The following GGT5 variants were observed in gnomAD, a reference collection of about 807,000 sequenced individuals.
GGT5 encodes gamma-glutamyltransferase 5, also known as glutathione hydrolase 5 proenzyme.
Under a neutral mutation model 58.1 loss-of-function variants are expected in GGT5, and 50 were observed. The ratio of observed to expected loss-of-function variants is 0.86; its 90% confidence interval spans 0.69 to 1.09. GGT5 has a LOEUF of 1.09. Among genes scored for constraint, GGT5 ranks in the 50% least tolerant of loss-of-function variants. GGT5 has a pLI of 0.00. For synonymous variants in GGT5, 370 were observed against 346.1 expected (o/e 1.07, Z -0.77); for missense variants, 800 against 789.4 (o/e 1.01, Z -0.16).
intron 6 of GGT5, among the ~76,000 whole-genome samples, chr22:24,228,081 A>AAC (rs1569359023): frequency 4.1e-5 from 6 of 147,068 alleles, no homozygotes; most frequent in African/African-American, 1.5e-4. Flanking sequence ...ACAAAAAAAA[A>AAC]AAAACTCTGA....
intron 6 of GGT5, among the ~76,000 whole-genome samples, chr22:24,228,640 CAG>C (rs2047848301): frequency 6.6e-6 from 1 of 151,872 alleles, no homozygotes; most frequent in Non-Finnish European, 1.5e-5. Context: ...TTAGTAGAGA[CAG>C]GGTTTCACTG....
chr22:24,242,683 T>G lies in GGT5; in HGVS notation c.173+1870A>C, dbSNP rs576358186. 2.5e-3 allele frequency: 385 copies of G among 152,076 alleles called. 1 individual carries two copies. The highest frequency in any genetic ancestry group is 3.8e-3 in the Non-Finnish European group (261 of 68,062). 9.4% of individuals were successfully genotyped at this position (152,076 alleles called of 1,614,324 possible). A position where few individuals can be genotyped will look rare whatever the true frequency, so the allele number is the denominator to read the frequency against. On this transcript the variant is annotated intron_variant, in intron 1 of 11. Coordinates refer to ENST00000327365, the MANE Select transcript of GGT5 (RefSeq NM_004121.5). Reference sequence around the variant, plus strand: ...AGCACAGAGGGGAGAGATGATGGAGTCAGGAGCATGGGCTTCTGGTGGCCC... The same window carrying G: ...AGCACAGAGGGGAGAGATGATGGAGGCAGGAGCATGGGCTTCTGGTGGCCC...
rs150800518 is a variant in GGT5, at chr22:24,234,126, G to A, written c.174-122C>T. The A allele has an allele frequency of 3.5e-3, 3,122 of 885,052 alleles. 16 individuals are homozygous for A. The highest frequency in any genetic ancestry group is 4.5e-3 in the South Asian group (271 of 59,906). 54.8% of individuals were successfully genotyped at this position (885,052 alleles called of 1,614,324 possible). On this transcript the variant is annotated intron_variant, in intron 1 of 11. Transcript: ENST00000327365. ...GCGGCACGTCGGCTGCCACCAAACC[G>A]CAGATTAGGTTGCAGAACACAACCA...
At chr22:24,227,438 T>G (rs1041773534) in intron 6 of GGT5, among the ~76,000 whole-genome samples, 4 of 151,868 alleles carry the variant, frequency 2.6e-5, no homozygotes, top group Non-Finnish European at 4.4e-5. Context: ...GTAGAGATGG[T>G]GTTTTACTGT....
rs749116654 is a variant in GGT5, at chr22:24,244,682, C to A, written c.44G>T (p.Gly15Val). Reference sequence around the variant, plus strand: ...AATGACAGCCAGCGCCAGCCCCAGACCCAGCAGGACTAGGCTGACCGTGGC... The same window carrying A: ...AATGACAGCCAGCGCCAGCCCCAGAACCAGCAGGACTAGGCTGACCGTGGC... ...YGATVSLVLL[G>V]LGLALAVIVL... The change falls in exon 1 of 12, where the codon GGT (glycine) becomes GTT (valine). Residue 15 changes from glycine (G) to valine (V), a missense_variant. By Grantham distance (109) the Gly-to-Val change is moderately radical. Transcript: ENST00000327365. 6.0e-5 allele frequency: 97 copies of A among 1,612,708 alleles called. No homozygotes were observed. Among genetic ancestry groups the A allele is most frequent in the Non-Finnish European group, 8.2e-5 (97 of 1,179,990 alleles).
At position 24,231,538 on chromosome 22, in the gene GGT5, GAGA is replaced by G. The variant is rs1569362601; in HGVS notation, c.755-11_755-9del. The stretch of plus-strand genomic sequence containing the variant: ...GCAGCGTCAGCTGGCTCCCTGGGAT[GAGA>G]AGGAGAGGGCTCCATGAACAGATGG... On this transcript the variant is annotated splice_polypyrimidine_tract_variant and intron_variant, in intron 5 of 11. Transcript: ENST00000327365. 3 of 1,586,846 alleles carry G rather than the reference GAGA, an allele frequency of 1.9e-6. No individual in the cohort carries two copies. The highest frequency in any genetic ancestry group is 2.6e-6 in the Non-Finnish European group (3 of 1,166,626).
chr22:24,229,126 C>T (rs2047862852), intron 6 of GGT5, among the ~76,000 whole-genome samples: 1 of 143,598 alleles, frequency 7.0e-6, no homozygotes, highest in African/African-American at 2.6e-5. Context: ...TAATGGGGCC[C>T]AGCATGGTGG....
intron 1 of GGT5, among the ~76,000 whole-genome samples, chr22:24,237,990 G>C (rs1347130371): frequency 1.3e-5 from 2 of 152,062 alleles, no homozygotes; most frequent in Non-Finnish European, 2.9e-5. Context: ...CACTTTGGAA[G>C]GCCAAGGTGG....
At chr22:24,224,943 G>A (rs1052458766) in intron 11 of GGT5, 53 bp downstream of exon 11, 36 of 1,220,008 alleles carry the variant, frequency 3.0e-5, no homozygotes, top group Admixed American at 2.6e-4. Context: ...TGAGCAGCAC[G>A]GATTTGGGGA....
chr22:24,222,540 G>A (rs2047622275), intron 11 of GGT5, among the ~76,000 whole-genome samples: 1 of 152,172 alleles, frequency 6.6e-6, no homozygotes, highest in African/African-American at 2.4e-5. Context: ...CCTTAGCTGT[G>A]AAGGTCCTTG....
chr22:24,238,824 TATATATATTTATA>T (rs2048203099), intron 1 of GGT5, among the ~76,000 whole-genome samples: 1 of 11,742 alleles, frequency 8.5e-5, no homozygotes, highest in Non-Finnish European at 1.2e-4. Context: ...TATATATATA[TATATATATTTATA>T]TATATATATT....
At chr22:24,244,426 A>C in intron 1 of GGT5, 127 bp downstream of exon 1, 2 of 800,168 alleles carry the variant, frequency 2.5e-6, no homozygotes, top group Admixed American at 4.3e-5. Flanking sequence ...GCATGCAATC[A>C]CACATACCCA....
intron 7 of GGT5, 22 bp downstream of exon 7, chr22:24,226,609 C>G: frequency 6.2e-7 from 1 of 1,613,226 alleles, no homozygotes; most frequent in Non-Finnish European, 8.5e-7. Context: ...GCCCACCAGC[C>G]CAGCAACCTC....
Position 24,244,533 on chromosome 22 carries a change from T to C in GGT5, c.173+20A>G, listed in dbSNP as rs2148962783. The C allele has an allele frequency of 1.2e-6, 2 of 1,604,422 alleles. No individual in the cohort carries two copies. Among genetic ancestry groups the C allele is most frequent in the Non-Finnish European group, 8.5e-7 (1 of 1,174,074 alleles). On this transcript the variant is annotated intron_variant, in intron 1 of 11. Coordinates refer to ENST00000327365, the MANE Select transcript of GGT5 (RefSeq NM_004121.5). ...GCTGGCTGCCAAGGGCCACCCAGCT[T>C]CCTCCCACGTCTCACTCACCGTCCA...
rs2047934909 is a variant in GGT5, at chr22:24,231,401, A to C, written c.884T>G (p.Ile295Ser). Reference protein sequence around the residue: ...PPAGGAILSFILNVLRGFNFS... With the variant: ...PPAGGAILSFSLNVLRGFNFS... ...GGCTTTACCTCTTAGCACGTTGAGGATAAAGCTGAGAATGGCACCCCCTGC... is the reference window on the plus strand; with the variant it reads ...GGCTTTACCTCTTAGCACGTTGAGGCTAAAGCTGAGAATGGCACCCCCTGC... Residue 295 changes from isoleucine (I) to serine (S), a missense_variant, in exon 6 of 12, where the codon ATC (isoleucine) becomes AGC (serine). Ile to Ser is a moderately radical substitution (Grantham distance 142). Coordinates refer to ENST00000327365, the MANE Select transcript of GGT5 (RefSeq NM_004121.5). The C allele has an allele frequency of 1.3e-6, 2 of 1,551,552 alleles. No individual in the cohort carries two copies. The highest frequency in any genetic ancestry group is 1.7e-6 in the Non-Finnish European group (2 of 1,147,382).
At chr22:24,232,003 G>A (rs927216420) in intron 5 of GGT5, 48 bp downstream of exon 5, 13 of 1,534,274 alleles carry the variant, frequency 8.5e-6, no homozygotes, top group Non-Finnish European at 6.3e-6. Context: ...CCCAGAACTT[G>A]GCTCTTCCTC....
In GGT5 at chr22:24,238,849, TATATATTATATATATAATATATATA is replaced by T. The variant is rs59319292; in HGVS notation, c.174-4870_174-4846del. Among the ~76,000 whole-genome samples the T allele has an allele frequency of 3.4e-3, 53 of 15,664 alleles. 2 individuals carry two copies. Among genetic ancestry groups the T allele is most frequent in the Middle Eastern group, 0.062 (1 of 16 alleles). The allele number at this position is 15,664 out of a possible 152,430, so 10.3% of individuals were successfully genotyped here. On this transcript the variant is annotated intron_variant, in intron 1 of 11. Coordinates refer to ENST00000327365, the MANE Select transcript of GGT5 (RefSeq NM_004121.5). ...TATATATATTTATATATATATATTA[TATATATTATATATATAATATATATA>T]ATATATATTATATATTTTATATATA...
rs558866125 is a variant in GGT5, at chr22:24,235,140, ACCTCG to A, written c.174-1141_174-1137del. ...AATGACACTATCTTGGCTCATTGCA[ACCTCG>A]CCTCCCGGATTCAAGCGATTCTCCT... On this transcript the variant is annotated intron_variant, in intron 1 of 11. Coordinates refer to ENST00000327365, the MANE Select transcript of GGT5 (RefSeq NM_004121.5). Among the ~76,000 whole-genome samples the A allele has an allele frequency of 3.6e-3, 527 of 146,550 alleles. 1 individual carries two copies. Among genetic ancestry groups the A allele is most frequent in the Middle Eastern group, 0.015 (4 of 272 alleles).
intron 1 of GGT5, among the ~76,000 whole-genome samples, chr22:24,239,368 C>T (rs532901247): frequency 2.0e-5 from 3 of 151,632 alleles, no homozygotes; most frequent in South Asian, 2.1e-4. Context: ...AAGAGGTAAA[C>T]GTGTGGGTAA....
Sources: allele counts gnomAD v4.1 joint callset (sites outside exome capture counted in the v4.1 genomes callset), GRCh38; gene constraint gnomAD v4.1.1; transcripts MANE v1.5; gene names NCBI Gene and HGNC (gene_info 2026-07-23, HGNC 2026-07-21).